Variants in DOCK4 observed in about 807,000 individuals in gnomAD.
The protein encoded by DOCK4 is dedicator of cytokinesis protein 4.
In DOCK4, 97 loss-of-function variants were observed where a neutral mutation model predicts 268.1. The ratio of observed to expected loss-of-function variants is 0.36; its 90% CI spans 0.31 to 0.43. The LOEUF (loss-of-function observed/expected upper bound fraction) is 0.43. Ranked by LOEUF, DOCK4 falls within the 20% of genes least tolerant of loss-of-function variation. The pLI, the probability that DOCK4 is intolerant of heterozygous loss-of-function variation, is 1.00. For missense variants in DOCK4, 2,145 were observed against 2,455.7 expected, an observed-to-expected ratio of 0.87 and a Z score of 2.67; for synonymous variants, 954 against 887.2, an observed-to-expected ratio of 1.08 and a Z score of -1.34.
At chr7:111,807,634 C>T (rs1206231188) in intron 30 of DOCK4, 1 of 152,148 alleles carries the variant, frequency 6.6e-6, no homozygotes, top group African/African-American at 2.4e-5. Context: ...CCCCACCACG[C>T]CTGGCTAATT....
intron 40 of DOCK4, 47 bp from the exon 41 acceptor site, chr7:111,758,837 G>A: frequency 6.3e-7 from 1 of 1,593,002 alleles, no homozygotes; most frequent in Non-Finnish European, 8.6e-7. Context: ...CAAACTCCAT[G>A]GAAGTCTGGC....
intron 1 of DOCK4, among the ~76,000 whole-genome samples, chr7:112,119,512 C>T (rs553245502): frequency 3.8e-4 from 58 of 152,326 alleles, no homozygotes; most frequent in African/African-American, 1.3e-3. Flanking sequence ...TTGGCCCAAA[C>T]GTCTAACACT....
In DOCK4 at chr7:111,895,605, A is replaced by G. The variant is rs1440250233; in HGVS notation, c.1587+7T>C. On this transcript the variant is annotated splice_region_variant and intron_variant, in intron 16 of 52. Coordinates refer to ENST00000428084, the MANE Select transcript of DOCK4 (RefSeq NM_001363540.2). ...ACTGCCCATCGCCACCATCTGACTG[A>G]TGTTACCTTATGCACGATGAGCTCA... 1.2e-6 allele frequency: 2 copies of G among 1,613,096 alleles called. No homozygotes were observed. Among genetic ancestry groups the G allele is most frequent in the Admixed American group, 1.7e-5 (1 of 60,008 alleles).
chr7:112,110,325 G>A (rs1380781125), intron 1 of DOCK4, among the ~76,000 whole-genome samples: 4 of 152,180 alleles, frequency 2.6e-5, no homozygotes, highest in Non-Finnish European at 5.9e-5. Flanking sequence ...GCAGTGGCAT[G>A]CAAACCACCT....
At chr7:112,069,236 T>C (rs1807359610) in intron 1 of DOCK4, among the ~76,000 whole-genome samples, 1 of 152,202 alleles carries the variant, frequency 6.6e-6, no homozygotes, top group African/African-American at 2.4e-5. Flanking sequence ...CTCAGTACTT[T>C]TCTCCTGAGA....
chr7:111,873,401 G>T (rs961097332), intron 17 of DOCK4, among the ~76,000 whole-genome samples: 1 of 152,246 alleles, frequency 6.6e-6, no homozygotes. Context: ...GCCAATGAAT[G>T]CAGTGAGAAC....
At chr7:111,936,568 T>C (rs994714504) in intron 11 of DOCK4, among the ~76,000 whole-genome samples, 4 of 152,244 alleles carry the variant, frequency 2.6e-5, no homozygotes, top group Non-Finnish European at 4.4e-5. Flanking sequence ...TAACTCATAA[T>C]GATTTGTAAG....
At chr7:111,974,637 A>G (rs948006441) in intron 8 of DOCK4, among the ~76,000 whole-genome samples, 1 of 150,126 alleles carries the variant, frequency 6.7e-6, no homozygotes. Flanking sequence ...TGAGAGGGAA[A>G]AGTGGAGGGA....
At chr7:112,040,235 A>G (rs1382372230) in intron 1 of DOCK4, among the ~76,000 whole-genome samples, 2 of 152,160 alleles carry the variant, frequency 1.3e-5, no homozygotes, top group African/African-American at 2.4e-5. Flanking sequence ...TTAGCTTCTA[A>G]CTCATCAGAA....
chr7:112,047,055 A>G (rs1224887998), intron 1 of DOCK4, among the ~76,000 whole-genome samples: 1 of 152,242 alleles, frequency 6.6e-6, no homozygotes, highest in Admixed American at 6.5e-5. Flanking sequence ...CTGAAGGATT[A>G]GAAGGAACAG....
At chr7:111,778,451 A>G in intron 35 of DOCK4, 82 bp from the exon 36 acceptor site, 5 of 805,748 alleles carry the variant, frequency 6.2e-6, no homozygotes, top group Admixed American at 2.4e-5. Context: ...CTAAAGTTCC[A>G]TGTCTGGAGC....
chr7:112,199,285 T>C (rs1181816533), intron 1 of DOCK4, among the ~76,000 whole-genome samples: 2 of 152,204 alleles, frequency 1.3e-5, no homozygotes, highest in East Asian at 3.9e-4. Flanking sequence ...CTCTTAGAAC[T>C]GTGCTTGACA....
At position 112,190,047 on chromosome 7, in the gene DOCK4, A is replaced by T. The variant is rs548783403; in HGVS notation, c.37+16055T>A. 4.8e-4 allele frequency among the ~76,000 whole-genome samples: 73 copies of T among 152,300 alleles called. No individual in the cohort carries two copies. The Middle Eastern group carries it at 0.01, about 21-fold the overall frequency. On this transcript the variant is annotated intron_variant, in intron 1 of 52. Transcript: ENST00000428084. Reference sequence around the variant, plus strand: ...GGATGTCGGGGGGTTGCCAGGCCCCAGTCAGGATACCCTCATCCACTCAAC... The same window carrying T: ...GGATGTCGGGGGGTTGCCAGGCCCCTGTCAGGATACCCTCATCCACTCAAC...
chr7:111,845,780 T>G (rs1804049077), intron 24 of DOCK4, among the ~76,000 whole-genome samples: 1 of 152,148 alleles, frequency 6.6e-6, no homozygotes, highest in Non-Finnish European at 1.5e-5. Context: ...TGGAGGTGAT[T>G]TCTTTTTATT....
chr7:111,767,205 G>A, intron 37 of DOCK4, 87 bp from the exon 38 acceptor site: 2 of 970,156 alleles, frequency 2.1e-6, no homozygotes, highest in Non-Finnish European at 1.6e-6. Flanking sequence ...TGCTTTCAGA[G>A]CACCAAGCCT....
In DOCK4 at chr7:111,728,678, A is replaced by C. The variant is rs1253564310; in HGVS notation, c.5524T>G (p.Ser1842Ala). ...GGGGAGTTGGAGATGAGTCCTGGCG[A>C]GTGGTACTCCACTGGAGAGGGGGTG... The part of the protein sequence containing the change: ...SFTPSPVEYH[S>A]PGLISNSPVL... Residue 1842 changes from serine (S) to alanine (A), a missense_variant, in exon 53 of 53, where the codon TCG (serine) becomes GCG (alanine). Transcript: ENST00000428084. The C allele has an allele frequency of 6.2e-7, 1 of 1,613,832 alleles. No homozygotes were observed.
At chr7:111,876,547 G>A (rs1806894251) in intron 17 of DOCK4, among the ~76,000 whole-genome samples, 2 of 152,102 alleles carry the variant, frequency 1.3e-5, no homozygotes, top group African/African-American at 4.8e-5. Flanking sequence ...CATTACAGAA[G>A]ATGTTTTCAT....
intron 32 of DOCK4, among the ~76,000 whole-genome samples, chr7:111,785,622 C>A (rs570695915): frequency 5.3e-5 from 8 of 152,168 alleles, no homozygotes; most frequent in Non-Finnish European, 1.2e-4. Flanking sequence ...TGTGCTCAGC[C>A]AGCCTTGTTC....
At chr7:111,874,021 C>T (rs1290492986) in intron 17 of DOCK4, among the ~76,000 whole-genome samples, 1 of 152,156 alleles carries the variant, frequency 6.6e-6, no homozygotes, top group African/African-American at 2.4e-5. Flanking sequence ...TTTGGCATAT[C>T]AGATATTTCC....
Sources: allele counts gnomAD v4.1 joint callset (sites outside exome capture counted in the v4.1 genomes callset), GRCh38; gene constraint gnomAD v4.1.1; transcripts MANE v1.5; gene names NCBI Gene and HGNC (gene_info 2026-07-23, HGNC 2026-07-21).